MALSU1: variants seen among roughly 807,000 people sequenced by gnomAD.
MALSU1 encodes the protein mitochondrial assembly of ribosomal large subunit 1.
Under a neutral mutation model 22.1 loss-of-function variants are expected in MALSU1, and 22 were observed. That is an observed-to-expected ratio of 1.00 (90% confidence interval 0.71 to 1.42). MALSU1 has a LOEUF of 1.42. MALSU1 is among the 40% of genes most tolerant of loss of function. The pLI, the probability that MALSU1 is intolerant of heterozygous loss-of-function variation, is 0.00. For missense variants in MALSU1, 379 were observed against 308.3 expected, an observed-to-expected ratio of 1.23 and a Z score of -1.72; for synonymous variants, 153 against 118.5, an observed-to-expected ratio of 1.29 and a Z score of -1.89.
chr7:23,302,511 A>AT (rs1783661909), intron 2 of MALSU1, among the ~76,000 whole-genome samples: 1 of 152,178 alleles, frequency 6.6e-6, no homozygotes, highest in South Asian at 2.1e-4. Flanking sequence ...AATTGGAGAG[A>AT]TAGGGAGAGA....
intron 2 of MALSU1, among the ~76,000 whole-genome samples, chr7:23,302,109 G>A (rs1783656356): frequency 6.6e-6 from 1 of 152,248 alleles, no homozygotes; most frequent in Non-Finnish European, 1.5e-5. Context: ...CTATTGGACA[G>A]TGCTGGCCTG....
chr7:23,301,035 CT>C lies in MALSU1; in HGVS notation c.435+19del. 2 of 1,602,528 alleles carry C rather than the reference CT, an allele frequency of 1.2e-6. No homozygotes were observed. Among genetic ancestry groups the C allele is most frequent in the Non-Finnish European group, 1.7e-6 (2 of 1,172,838 alleles). On this transcript the variant is annotated intron_variant, in intron 2 of 3. Coordinates refer to ENST00000466681, the MANE Select transcript of MALSU1 (RefSeq NM_138446.2). ...TGAAAATGGTAGGATGCTTTCTTTT[CT>C]CTTTTGGACCATTAACTGAGTGGAA...
chr7:23,303,860 C>T (rs1340131893), intron 2 of MALSU1, among the ~76,000 whole-genome samples: 1 of 150,086 alleles, frequency 6.7e-6, no homozygotes, highest in Non-Finnish European at 1.5e-5. Flanking sequence ...AATCCCAGCA[C>T]TTTGGGAGGC....
At chr7:23,303,832 G>T (rs1241076086) in intron 2 of MALSU1, among the ~76,000 whole-genome samples, 2 of 146,154 alleles carry the variant, frequency 1.4e-5, no homozygotes, top group Admixed American at 1.4e-4. Context: ...AAAAAAAAAA[G>T]GCTGGGTTCA....
rs542439189 is a variant in MALSU1 at position 23,300,759 on chromosome 7, G to C, written c.257-80G>C. On this transcript the variant is annotated intron_variant, in intron 1 of 3. Coordinates refer to ENST00000466681, the MANE Select transcript of MALSU1 (RefSeq NM_138446.2). ...ATCTAAACACCCTCATGGAGGAACA[G>C]TCAGCTGCCGGCATCTCTGGGTGCA... 4.4e-5 allele frequency: 55 copies of C among 1,237,424 alleles called. No homozygotes were observed. The African/African-American group carries it at 5.8e-4, about 13-fold the overall frequency. 76.7% of individuals were successfully genotyped at this position (1,237,424 alleles called of 1,614,324 possible).
intron 1 of MALSU1, among the ~76,000 whole-genome samples, 168 bp downstream of exon 1, chr7:23,299,776 C>G (rs1783617088): frequency 6.6e-6 from 1 of 152,160 alleles, no homozygotes; most frequent in African/African-American, 2.4e-5. Flanking sequence ...CCAACCTTCC[C>G]GTTTCACAGT....
Position 23,307,944 on chromosome 7 carries a change from A to AT in MALSU1, c.516dup (p.Gly173TrpfsTer17). The AT allele has an allele frequency of 6.2e-7, 1 of 1,612,084 alleles. No homozygotes were observed. Among genetic ancestry groups the AT allele is most frequent in the Non-Finnish European group, 8.5e-7 (1 of 1,178,118 alleles). On this transcript the variant is annotated frameshift_variant, in exon 3 of 4. Transcript: ENST00000466681. LOFTEE classifies it high-confidence loss of function. ...GACACTGATGACTGGCTGTGCGTGG[A>AT]TTTTGGTAAGTTATTCTGGCGTATT... is the stretch of plus-strand genomic sequence containing the variant.
chr7:23,309,908 A>AAAT lies in MALSU1; in HGVS notation c.*370_*372dup, dbSNP rs1300542549. 6.5e-6 allele frequency: 1 copy of AAAT among 154,558 alleles called. No homozygotes were observed. Among genetic ancestry groups the AAAT allele is most frequent in the East Asian group, 1.9e-4 (1 of 5,306 alleles). The allele number at this position is 154,558 out of a possible 1,614,324, so 9.6% of individuals were successfully genotyped here. A position where few individuals can be genotyped will look rare whatever the true frequency, so the allele number is the denominator to read the frequency against. On this transcript the variant is annotated 3_prime_UTR_variant, in exon 4 of 4. Coordinates refer to ENST00000466681, the MANE Select transcript of MALSU1 (RefSeq NM_138446.2). The stretch of plus-strand genomic sequence containing the variant: ...TTAATGGAATGGCAAAAATTTTAAA[A>AAAT]AATAATATAAAACATAGCCCACTGG...
intron 3 of MALSU1, among the ~76,000 whole-genome samples, chr7:23,309,084 C>T (rs544393515): frequency 7.9e-5 from 12 of 152,254 alleles, no homozygotes; most frequent in African/African-American, 2.2e-4. Context: ...GAATTGTCAC[C>T]GAAGAGAATC....
chr7:23,306,489 A>C (rs920002355), intron 2 of MALSU1, among the ~76,000 whole-genome samples: 4 of 152,024 alleles, frequency 2.6e-5, no homozygotes, highest in Non-Finnish European at 4.4e-5. Flanking sequence ...GTTGAATAGA[A>C]GTAGCAAAAG....
chr7:23,309,926 C>T lies in MALSU1; in HGVS notation c.*383C>T, dbSNP rs942187773. ...TTTTAAAAAATAATATAAAACATAG[C>T]CCACTGGTCTTATTTTTATACTTTG... On this transcript the variant is annotated 3_prime_UTR_variant, in exon 4 of 4. Transcript: ENST00000466681. 1.3e-5 allele frequency: 2 copies of T among 153,414 alleles called. No homozygotes were observed. Among genetic ancestry groups the T allele is most frequent in the African/African-American group, 4.8e-5 (2 of 41,336 alleles). 9.5% of individuals were successfully genotyped at this position (153,414 alleles called of 1,614,324 possible).
intron 1 of MALSU1, 59 bp downstream of exon 1, chr7:23,299,667 A>AG (rs1783614914): frequency 6.6e-7 from 1 of 1,509,490 alleles, no homozygotes; most frequent in African/African-American, 1.4e-5. Context: ...GTCAGGTCCC[A>AG]GCCAAGGTGG....
intron 2 of MALSU1, among the ~76,000 whole-genome samples, chr7:23,302,550 A>T (rs1282974842): frequency 6.6e-6 from 1 of 152,222 alleles, no homozygotes; most frequent in Non-Finnish European, 1.5e-5. Context: ...AGAGATATAC[A>T]AAGACAGCAT....
intron 2 of MALSU1, among the ~76,000 whole-genome samples, chr7:23,306,135 T>C (rs1482439606): frequency 6.6e-6 from 1 of 152,100 alleles, no homozygotes; most frequent in Non-Finnish European, 1.5e-5. Context: ...TGGAGGTTGC[T>C]GTGAGCCGCG....
At position 23,311,218 on chromosome 7, in the gene MALSU1, A is replaced by G. The variant is rs1284930651; in HGVS notation, c.*1675A>G. On this transcript the variant is annotated 3_prime_UTR_variant, in exon 4 of 4. Transcript: ENST00000466681. ...AAATGTAGCCTTTTGTTGCGTTTAA[A>G]CACTGTCACACCATCTATGACTGTC... The G allele has an allele frequency of 6.6e-6, 1 of 152,360 alleles. No homozygotes were observed. The highest frequency in any genetic ancestry group is 1.9e-4 in the East Asian group (1 of 5,184). The allele number at this position is 152,360 out of a possible 1,614,324, so 9.4% of individuals were successfully genotyped here.
rs572080754 is a variant in MALSU1 at position 23,299,518 on chromosome 7, A to G, written c.166A>G (p.Asn56Asp). Residue 56 changes from asparagine to aspartate, a missense_variant, in exon 1 of 4, where the codon AAC becomes GAC. Physicochemically the swap from Asn to Asp is conservative, Grantham distance 23 (BLOSUM62 1). Transcript: ENST00000466681. ...GTTCTGCCGGGCTTGCCAGACCCCA[A>G]ACTTTGTCCGCGGCCTGCACAGCGA... ...AAFCRACQTP[N>D]FVRGLHSEPG... 5 of 1,612,776 alleles carry G rather than the reference A, an allele frequency of 3.1e-6. No individual in the cohort carries two copies. The African/African-American group carries it at 4.0e-5, about 13-fold the overall frequency.
intron 1 of MALSU1, among the ~76,000 whole-genome samples, chr7:23,300,419 C>A (rs569605256): frequency 6.6e-6 from 1 of 152,290 alleles, no homozygotes; most frequent in Admixed American, 6.5e-5. Context: ...CCTTCCAGCT[C>A]ACAATTCTGT....
rs759809516 is a variant in MALSU1 at position 23,300,946 on chromosome 7, G to T, written c.364G>T (p.Asp122Tyr). 1.9e-6 allele frequency: 3 copies of T among 1,614,006 alleles called. No homozygotes were observed. In the Admixed American group the frequency reaches 5.0e-5, roughly 27 times the overall value. ...GGTTCCTCCAGAAATGAGATATACA[G>T]ATTACTTTGTGATTGTTAGTGGAAC... is the stretch of plus-strand genomic sequence containing the variant. ...IQVPPEMRYT[D>Y]YFVIVSGTST... The change falls in exon 2 of 4, where the codon GAT (aspartate) becomes TAT (tyrosine). Residue 122 changes from aspartate (D) to tyrosine (Y), a missense_variant. Asp to Tyr is a radical substitution (Grantham distance 160). Transcript: ENST00000466681.
Position 23,300,089 on chromosome 7 carries a change from A to G in MALSU1, c.256+481A>G, listed in dbSNP as rs187533893. Among the ~76,000 whole-genome samples the G allele has an allele frequency of 7.3e-4, 111 of 152,244 alleles. 1 individual carries two copies. The highest frequency in any genetic ancestry group is 2.5e-3 in the African/African-American group (104 of 41,540). On this transcript the variant is annotated intron_variant, in intron 1 of 3. Transcript: ENST00000466681. ...CACATCTAAGAATGTAGAGTATGAG[A>G]GGGAGAGGCCTTAGTGGGCTTAGCT... is the stretch of plus-strand genomic sequence containing the variant.
Sources: gnomAD v4.1 joint callset for allele counts (sites outside exome capture counted in the v4.1 genomes callset) on GRCh38, gnomAD v4.1.1 for gene constraint, MANE v1.5 for transcripts, NCBI Gene and HGNC (gene_info 2026-07-23, HGNC 2026-07-21) for gene names.